FER1L6: variants seen among roughly 807,000 people sequenced by gnomAD.
FER1L6 encodes the protein fer-1 like family member 6.
In FER1L6, 177 loss-of-function variants were observed where a neutral mutation model predicts 219.2. That is an observed-to-expected ratio of 0.81 (90% CI 0.71 to 0.91). FER1L6 has a LOEUF of 0.91. Ranked by LOEUF, FER1L6 falls within the 40% of genes least tolerant of loss-of-function variation. The pLI is 0.00. For missense variants in FER1L6, 2,153 were observed against 2,259.9 expected, an observed-to-expected ratio of 0.95 and a Z score of 0.96; for synonymous variants, 768 against 824.3, an observed-to-expected ratio of 0.93 and a Z score of 1.17.
chr8:124,029,099 G>T (rs527637045), intron 18 of FER1L6, among the ~76,000 whole-genome samples: 1 of 152,304 alleles, frequency 6.6e-6, no homozygotes, highest in Admixed American at 6.5e-5. Flanking sequence ...CTCCTGCAAA[G>T]GACATGATCT....
At chr8:123,942,879 C>G (rs969180234) in intron 1 of FER1L6, among the ~76,000 whole-genome samples, 3 of 152,304 alleles carry the variant, frequency 2.0e-5, no homozygotes, top group East Asian at 3.9e-4. Context: ...TTGACCCATC[C>G]AAATGACTTA....
intron 16 of FER1L6, among the ~76,000 whole-genome samples, chr8:124,021,134 G>A (rs146808551): frequency 2.6e-5 from 4 of 152,156 alleles, no homozygotes; most frequent in African/African-American, 7.2e-5. Flanking sequence ...TCACTATCAC[G>A]AGAACAAAAT....
chr8:124,006,362 T>C (rs1476645788), intron 13 of FER1L6, among the ~76,000 whole-genome samples: 1 of 151,686 alleles, frequency 6.6e-6, no homozygotes, highest in Non-Finnish European at 1.5e-5. Context: ...GTCATGCTGG[T>C]ATTTTTTTTT....
Position 124,049,607 on chromosome 8 carries a change from G to A in FER1L6, c.2725G>A (p.Gly909Arg). ...VVELYDSDAVGKPEYLGATVA... is the reference protein window; with the variant it reads ...VVELYDSDAVRKPEYLGATVA... Reference sequence around the variant, plus strand: ...CAAACTCATTTCTTTTCTTCTTTAGGGGAAGCCAGAATATTTGGGTGCCAC... The same window carrying A: ...CAAACTCATTTCTTTTCTTCTTTAGAGGAAGCCAGAATATTTGGGTGCCAC... The change falls in exon 22 of 41, where the codon GGG becomes AGG. Residue 909 changes from glycine (G) to arginine (R), a missense_variant and splice_region_variant. Coordinates refer to ENST00000522917, the MANE Select transcript of FER1L6 (RefSeq NM_001039112.2). The A allele has an allele frequency of 6.2e-7, 1 of 1,613,680 alleles. No homozygotes were observed. Among genetic ancestry groups the A allele is most frequent in the East Asian group, 2.2e-5 (1 of 44,856 alleles).
chr8:123,919,225 G>T (rs1298981156), intron 1 of FER1L6, among the ~76,000 whole-genome samples: 1 of 152,216 alleles, frequency 6.6e-6, no homozygotes, highest in East Asian at 1.9e-4. Context: ...ATAAAGCAGA[G>T]AATGGGAGAG....
At chr8:124,092,542 C>CCATA (rs1350609983) in intron 34 of FER1L6, among the ~76,000 whole-genome samples, 1 of 152,100 alleles carries the variant, frequency 6.6e-6, no homozygotes, top group Admixed American at 6.5e-5. Context: ...AGAGAGGCTT[C>CCATA]CATACATTTA....
intron 1 of FER1L6, among the ~76,000 whole-genome samples, chr8:123,934,790 T>C (rs997485656): frequency 2.0e-5 from 3 of 152,068 alleles, no homozygotes; most frequent in Admixed American, 1.3e-4. Context: ...TGGGAGGTGA[T>C]TGGATCATGG....
At chr8:124,038,590 C>T (rs182139233) in intron 19 of FER1L6, among the ~76,000 whole-genome samples, 43 of 152,286 alleles carry the variant, frequency 2.8e-4, no homozygotes, top group South Asian at 1.9e-3. Context: ...TAGAGTTCTT[C>T]CTATGGGCCA....
At chr8:124,060,745 C>T in intron 24 of FER1L6, 36 bp downstream of exon 24, 1 of 1,600,352 alleles carries the variant, frequency 6.2e-7, no homozygotes, top group Non-Finnish European at 8.5e-7. Flanking sequence ...TGGCTCATTC[C>T]TCTTTTTTGC....
chr8:124,114,869 T>C (rs1024667280), intron 39 of FER1L6, among the ~76,000 whole-genome samples: 5 of 143,726 alleles, frequency 3.5e-5, no homozygotes, highest in African/African-American at 1.3e-4. Context: ...AATACATGTA[T>C]ACATATATAT....
rs780197233 is a variant in FER1L6, at chr8:124,060,566, C to A, written c.3004C>A (p.Arg1002=). 3.1e-6 allele frequency: 5 copies of A among 1,613,840 alleles called. No individual in the cohort carries two copies. The South Asian group carries it at 5.5e-5, about 18-fold the overall frequency. Reference sequence around the variant, plus strand: ...TCCTCAGGTTCTCTTCTGGGGAGTTCGGGAAATGAAGAAGGTGCAGCTCCT... The same window carrying A: ...TCCTCAGGTTCTCTTCTGGGGAGTTAGGGAAATGAAGAAGGTGCAGCTCCT... ...YRVEVLFWGV[R]EMKKVQLLSV... is the part of the protein sequence containing the mutation. Residue 1002 remains arginine, a synonymous_variant, in exon 24 of 41, where the codon CGG becomes AGG. Transcript: ENST00000522917.
chr8:123,890,274 A>G (rs1812617452), intron 1 of FER1L6, among the ~76,000 whole-genome samples: 1 of 152,124 alleles, frequency 6.6e-6, no homozygotes, highest in Non-Finnish European at 1.5e-5. Context: ...ACAGACATTA[A>G]TTTGTATACT....
intron 3 of FER1L6, among the ~76,000 whole-genome samples, chr8:123,964,038 G>A (rs566498411): frequency 4.6e-5 from 7 of 152,176 alleles, no homozygotes; most frequent in South Asian, 2.1e-4. Context: ...AGCTGAGACC[G>A]GCTGTTCTCT....
At chr8:124,035,706 GTTTC>G (rs1208428406) in intron 19 of FER1L6, among the ~76,000 whole-genome samples, 3 of 152,208 alleles carry the variant, frequency 2.0e-5, no homozygotes, top group African/African-American at 7.2e-5. Context: ...AGTAATTTGA[GTTTC>G]TTTGTAGGCA....
intron 1 of FER1L6, among the ~76,000 whole-genome samples, chr8:123,869,977 C>A (rs1454442904): frequency 1.3e-5 from 2 of 151,668 alleles, no homozygotes; most frequent in Non-Finnish European, 2.9e-5. Context: ...AATACTGAAA[C>A]AATGTTGGGC....
intron 22 of FER1L6, among the ~76,000 whole-genome samples, chr8:124,053,163 A>G (rs1820128288): frequency 6.6e-6 from 1 of 152,158 alleles, no homozygotes; most frequent in African/African-American, 2.4e-5. Flanking sequence ...GCATCTGCCA[A>G]TGAAGGCTGG....
intron 12 of FER1L6, among the ~76,000 whole-genome samples, chr8:123,994,908 T>C (rs1420989679): frequency 6.6e-6 from 1 of 152,218 alleles, no homozygotes; most frequent in Non-Finnish European, 1.5e-5. Flanking sequence ...CTTCTACTTT[T>C]ATGTTTCTCT....
chr8:124,040,448 G>T (rs1819434635), intron 20 of FER1L6: 1 of 204,538 alleles, frequency 4.9e-6, no homozygotes, highest in South Asian at 9.4e-5. Flanking sequence ...ACCAGCTGGG[G>T]AGCTTCGCAT....
intron 39 of FER1L6, among the ~76,000 whole-genome samples, chr8:124,112,959 A>G (rs1202671848): frequency 6.6e-6 from 1 of 152,208 alleles, no homozygotes; most frequent in Non-Finnish European, 1.5e-5. Context: ...TATACCATCT[A>G]AAGAAAACTT....
Sources: allele counts gnomAD v4.1 joint callset (sites outside exome capture counted in the v4.1 genomes callset), GRCh38; gene constraint gnomAD v4.1.1; transcripts MANE v1.5; gene names NCBI Gene and HGNC (gene_info 2026-07-23, HGNC 2026-07-21).